PDE1A: variants seen among roughly 807,000 people sequenced by gnomAD.
PDE1A encodes phosphodiesterase 1A.
In PDE1A, 35 loss-of-function variants were observed where a neutral mutation model predicts 61.7. The observed-to-expected ratio is 0.57, with a 90% CI of 0.43 to 0.75. PDE1A has a LOEUF of 0.75. Among genes scored for constraint, PDE1A ranks in the 30% least tolerant of loss-of-function variants. The pLI is 0.00. For missense variants in PDE1A, 597 were observed against 630.6 expected, an observed-to-expected ratio of 0.95 and a Z score of 0.57; for synonymous variants, 232 against 213.2, an observed-to-expected ratio of 1.09 and a Z score of -0.77.
chr2:182,673,658 G>A, the PDE1A span, among the ~76,000 whole-genome samples: 1 of 151,634 alleles, frequency 6.6e-6, no homozygotes, highest in Non-Finnish European at 1.5e-5. Context: ...TTTTAATTTT[G>A]TATAAATTAA....
At chr2:182,687,839 C>G in the PDE1A span, among the ~76,000 whole-genome samples, 1 of 152,076 alleles carries the variant, frequency 6.6e-6, no homozygotes, top group Non-Finnish European at 1.5e-5. Context: ...CTTAAAGGAC[C>G]TGATGGAGCT....
chr2:182,204,513 C>A (rs571705704), intron 8 of PDE1A, among the ~76,000 whole-genome samples: 1 of 152,130 alleles, frequency 6.6e-6, no homozygotes, highest in South Asian at 2.1e-4. Flanking sequence ...GCCCACTCCA[C>A]ATAAAGACAG....
the PDE1A span, among the ~76,000 whole-genome samples, chr2:182,682,763 T>C: frequency 3.8e-4 from 58 of 152,352 alleles, no homozygotes; most frequent in East Asian, 0.01. Flanking sequence ...CCAGCCTGCT[T>C]AGGCATGTGT....
At chr2:182,537,878 G>T in the PDE1A span, among the ~76,000 whole-genome samples, 5 of 152,148 alleles carry the variant, frequency 3.3e-5, no homozygotes, top group African/African-American at 1.2e-4. Context: ...AAAAGTCCTG[G>T]AATTTTGTTC....
chr2:182,334,388 C>CA (rs1373630918), intron 1 of PDE1A, among the ~76,000 whole-genome samples: 3 of 152,000 alleles, frequency 2.0e-5, no homozygotes, highest in Non-Finnish European at 4.4e-5. Flanking sequence ...AAAATACTGG[C>CA]AAACTGAATC....
chr2:182,312,785 C>T (rs967125087), intron 1 of PDE1A, among the ~76,000 whole-genome samples: 3 of 151,180 alleles, frequency 2.0e-5, no homozygotes, highest in African/African-American at 7.3e-5. Context: ...ATTACAGGTT[C>T]TTGGCATTTT....
chr2:182,664,251 T>A, the PDE1A span, among the ~76,000 whole-genome samples: 1 of 152,184 alleles, frequency 6.6e-6, no homozygotes, highest in Admixed American at 6.6e-5. Context: ...GATGCACAGA[T>A]CCAATAACTT....
At chr2:182,257,718 G>T (rs556930777) in intron 2 of PDE1A, among the ~76,000 whole-genome samples, 17 of 152,288 alleles carry the variant, frequency 1.1e-4, no homozygotes, top group Non-Finnish European at 2.4e-4. Flanking sequence ...CTTTATTTTA[G>T]TCACAGAACT....
Position 182,264,283 on chromosome 2 carries a change from A to T in PDE1A, c.167+18T>A, listed in dbSNP as rs368482018. On this transcript the variant is annotated intron_variant, in intron 2 of 13. Coordinates refer to ENST00000351439, the Ensembl canonical transcript of PDE1A. ...GAGAGAATCAAAGAAGATAAAAGAGAAGAAGGTTAAAACTTACCTTGTTTC... is the reference window on the plus strand; with the variant it reads ...GAGAGAATCAAAGAAGATAAAAGAGTAGAAGGTTAAAACTTACCTTGTTTC... 1.3e-6 allele frequency: 2 copies of T among 1,499,702 alleles called. No homozygotes were observed. Among genetic ancestry groups the T allele is most frequent in the Non-Finnish European group, 1.8e-6 (2 of 1,082,190 alleles). The allele number at this position is 1,499,702 out of a possible 1,614,324, so 92.9% of individuals were successfully genotyped here.
At chr2:182,585,556 A>C in the PDE1A span, among the ~76,000 whole-genome samples, 2 of 152,308 alleles carry the variant, frequency 1.3e-5, no homozygotes, top group South Asian at 4.1e-4. Flanking sequence ...CACCTTTAAG[A>C]AAGTGGGTTT....
the PDE1A span, among the ~76,000 whole-genome samples, chr2:182,536,536 G>C: frequency 2.0e-5 from 3 of 152,114 alleles, no homozygotes; most frequent in Non-Finnish European, 4.4e-5. Context: ...TAAAAGCTTT[G>C]CCTTTATAGG....
chr2:182,257,969 C>T (rs1454247864), intron 2 of PDE1A, among the ~76,000 whole-genome samples: 2 of 152,114 alleles, frequency 1.3e-5, no homozygotes, highest in Non-Finnish European at 2.9e-5. Flanking sequence ...AGATCGAGAC[C>T]ACCCTGGCTA....
chr2:182,368,448 G>A (rs1699955778), intron 1 of PDE1A, among the ~76,000 whole-genome samples: 1 of 141,762 alleles, frequency 7.1e-6, no homozygotes, highest in African/African-American at 2.6e-5. Flanking sequence ...TTTATCTGTT[G>A]AAGGAACCAT....
intron 1 of PDE1A, among the ~76,000 whole-genome samples, chr2:182,373,767 A>G (rs1041668740): frequency 2.6e-5 from 4 of 152,222 alleles, no homozygotes; most frequent in Non-Finnish European, 5.9e-5. Context: ...AGGCAGAAGA[A>G]GGAATTCAGG....
At chr2:182,678,435 AAAAG>A in the PDE1A span, among the ~76,000 whole-genome samples, 3 of 152,090 alleles carry the variant, frequency 2.0e-5, no homozygotes. Flanking sequence ...GAAAAGAAAG[AAAAG>A]AAAGAAAGAA....
intron 1 of PDE1A, among the ~76,000 whole-genome samples, chr2:182,419,674 A>T (rs1267710544): frequency 6.6e-6 from 1 of 152,180 alleles, no homozygotes. Flanking sequence ...CAAACTTTTC[A>T]TTCTATCATT....
the PDE1A span, among the ~76,000 whole-genome samples, chr2:182,602,730 A>G: frequency 6.6e-6 from 1 of 152,164 alleles, no homozygotes; most frequent in African/African-American, 2.4e-5. Context: ...TAATTTAAAA[A>G]TAGAATAGTG....
the PDE1A span, among the ~76,000 whole-genome samples, chr2:182,620,183 C>CTTTA: frequency 0.4 from 60,252 of 151,490 alleles, 13,390 homozygotes; most frequent in East Asian, 0.58. Context: ...GTATTTATTT[C>CTTTA]TTTATTTAAT....
the PDE1A span, among the ~76,000 whole-genome samples, chr2:182,708,166 G>A: frequency 6.6e-6 from 1 of 152,046 alleles, no homozygotes; most frequent in Admixed American, 6.6e-5. Flanking sequence ...AAAATACACA[G>A]TTTAGGACTA....
Sources: gnomAD v4.1 joint callset for allele counts (sites outside exome capture counted in the v4.1 genomes callset) on GRCh38, gnomAD v4.1.1 for gene constraint, MANE v1.5 for transcripts, NCBI Gene and HGNC (gene_info 2026-07-23, HGNC 2026-07-21) for gene names.